Variants in OR13A1 observed in about 807,000 individuals in gnomAD.
The protein encoded by OR13A1 is olfactory receptor family 13 subfamily A member 1.
In OR13A1, 10 loss-of-function variants were observed where a neutral mutation model predicts 7.5. The ratio of observed to expected loss-of-function variants is 1.34; its 90% CI spans 0.83 to 2.27. The LOEUF (loss-of-function observed/expected upper bound fraction) is 2.27. OR13A1 is among the 30% of genes most tolerant of loss of function. OR13A1 has a pLI of 0.00. For synonymous variants in OR13A1, 238 were observed against 177.9 expected, an observed-to-expected ratio of 1.34 and a Z score of -2.69; for missense variants, 509 against 419.1, an observed-to-expected ratio of 1.21 and a Z score of -1.87.
intron 1 of OR13A1, among the ~76,000 whole-genome samples, chr10:45,313,293 AAGGAAAC>A (rs1838473795): frequency 6.7e-6 from 1 of 148,248 alleles, no homozygotes; most frequent in African/African-American, 2.5e-5. Flanking sequence ...ATACACACAA[AAGGAAAC>A]AGGAAGGGAA....
At chr10:45,302,527 T>G (rs954147099), downstream of OR13A1, 1 of 152,196 alleles carries the variant, frequency 6.6e-6, no homozygotes, top group Non-Finnish European at 1.5e-5. Flanking sequence ...AACTCTACTC[T>G]CAGCTTCACA....
chr10:45,305,485 G>A (rs747106816), intron 3 of OR13A1, among the ~76,000 whole-genome samples: 18 of 152,160 alleles, frequency 1.2e-4, no homozygotes, highest in South Asian at 8.3e-4. Flanking sequence ...ATTTTTGCTG[G>A]TCTGTATTTT....
At chr10:45,313,922 G>A (rs904892824) in intron 1 of OR13A1, among the ~76,000 whole-genome samples, 1 of 151,520 alleles carries the variant, frequency 6.6e-6, no homozygotes, top group Non-Finnish European at 1.5e-5. Context: ...TAACAAACAT[G>A]TGCAGAACAT....
chr10:45,304,283 C>T lies in OR13A1; in HGVS notation c.140G>A (p.Ser47Asn). 1 of 1,614,142 alleles carries T rather than the reference C, an allele frequency of 6.2e-7. No homozygotes were observed. Among genetic ancestry groups the T allele is most frequent in the East Asian group, 2.2e-5 (1 of 44,878 alleles). Residue 47 changes from serine to asparagine, a missense_variant, in exon 4 of 4, where the codon AGC becomes AAC. Ser to Asn is a conservative substitution (Grantham distance 46). Coordinates refer to ENST00000553795, the MANE Select transcript of OR13A1 (RefSeq NM_001004297.3). ...EHPEYRVFLF[S>N]CFLFLYSGAL... ...CCCAGAGTAGAGGAAGAGGAAACAG[C>T]TGAATAAGAACACCCGGTATTCTGG...
chr10:45,314,018 A>T (rs1328076285), intron 1 of OR13A1, among the ~76,000 whole-genome samples: 1 of 152,224 alleles, frequency 6.6e-6, no homozygotes, highest in Non-Finnish European at 1.5e-5. Context: ...CCACAAAAAA[A>T]CTTGTAACAA....
Position 45,307,530 on chromosome 10 carries a change from C to T in OR13A1, c.-117G>A, listed in dbSNP as rs1838357588. On this transcript the variant is annotated 5_prime_UTR_variant, in exon 3 of 4. Coordinates refer to ENST00000553795, the MANE Select transcript of OR13A1 (RefSeq NM_001004297.3). ...TCCAATCCTCTTTCCATGAGAATGA[C>T]CACAAGATTTCTTTACAGCCTCAGC... 6.6e-6 allele frequency: 1 copy of T among 152,126 alleles called. No individual in the cohort carries two copies. The highest frequency in any genetic ancestry group is 1.9e-4 in the East Asian group (1 of 5,196). 9.4% of individuals were successfully genotyped at this position (152,126 alleles called of 1,614,324 possible).
chr10:45,309,827 T>G (rs1287297436), intron 1 of OR13A1, among the ~76,000 whole-genome samples: 1 of 152,246 alleles, frequency 6.6e-6, no homozygotes, highest in East Asian at 1.9e-4. Context: ...TAAGCAGCAC[T>G]AAACTAAACA....
At chr10:45,314,313 G>C (rs559230949) in intron 1 of OR13A1, among the ~76,000 whole-genome samples, 66 of 152,092 alleles carry the variant, frequency 4.3e-4, no homozygotes, top group African/African-American at 1.5e-3. Context: ...AAGGAAGAAA[G>C]TGGCTAGGCA....
At position 45,303,491 on chromosome 10, in the gene OR13A1, C is replaced by T; in HGVS notation, c.932G>A (p.Arg311Lys). The T allele has an allele frequency of 6.2e-7, 1 of 1,612,052 alleles. No individual in the cohort carries two copies. The change falls in exon 4 of 4, where the codon AGA becomes AAA. Residue 311 changes from arginine to lysine, a missense_variant. Coordinates refer to ENST00000553795, the MANE Select transcript of OR13A1 (RefSeq NM_001004297.3). Reference sequence around the variant, plus strand: ...GAGGGCTGCTTTGACCTCCTTGTTTCTCAAAGTATAGATGAGGGGGTTGAG... The same window carrying T: ...GAGGGCTGCTTTGACCTCCTTGTTTTTCAAAGTATAGATGAGGGGGTTGAG... ...PTLNPLIYTL[R>K]NKEVKAALRK...
At chr10:45,315,378 C>G (rs1467760504) in intron 1 of OR13A1, 146 bp downstream of exon 1, 1 of 151,874 alleles carries the variant, frequency 6.6e-6, no homozygotes, top group East Asian at 1.9e-4. Context: ...GAATAAAGGA[C>G]AAAACAGCAT....
At chr10:45,305,747 G>A (rs1301997517) in intron 3 of OR13A1, among the ~76,000 whole-genome samples, 1 of 152,162 alleles carries the variant, frequency 6.6e-6, no homozygotes, top group East Asian at 1.9e-4. Context: ...CCCACTCCCT[G>A]AGCCAGGAAT....
At chr10:45,306,326 G>T (rs933541916) in intron 3 of OR13A1, among the ~76,000 whole-genome samples, 2 of 151,992 alleles carry the variant, frequency 1.3e-5, no homozygotes, top group African/African-American at 4.8e-5. Context: ...GGTGGCGGGC[G>T]CCTGTAGTCC....
chr10:45,303,530 A>ACAGTGTACAGCAGGC lies in OR13A1; in HGVS notation c.878_892dup (p.Gly293_Thr297dup), dbSNP rs775874973. 1.2e-6 allele frequency: 2 copies of ACAGTGTACAGCAGGC among 1,614,134 alleles called. No homozygotes were observed. The highest frequency in any genetic ancestry group is 1.7e-6 in the Non-Finnish European group (2 of 1,180,036). ...GAGGGGGTTGAGGGTAGGACTCAGC[A>ACAGTGTACAGCAGGC]CAGTGTACAGCAGGCCAGCCAACTT... is the stretch of plus-strand genomic sequence containing the variant. On this transcript the variant is annotated inframe_insertion, in exon 4 of 4. Transcript: ENST00000553795.
chr10:45,308,242 T>C (rs1454055177), intron 1 of OR13A1, among the ~76,000 whole-genome samples: 1 of 152,264 alleles, frequency 6.6e-6, no homozygotes, highest in Non-Finnish European at 1.5e-5. Flanking sequence ...AAGATAACTT[T>C]GTCCAACCTA....
chr10:45,311,456 C>T (rs1838444856), intron 1 of OR13A1, among the ~76,000 whole-genome samples: 1 of 152,134 alleles, frequency 6.6e-6, no homozygotes, highest in Non-Finnish European at 1.5e-5. Context: ...TTAGAGCAAA[C>T]TGGTAAACAT....
intron 1 of OR13A1, among the ~76,000 whole-genome samples, chr10:45,314,024 A>C (rs571092362): frequency 6.6e-6 from 1 of 152,342 alleles, no homozygotes; most frequent in South Asian, 2.1e-4. Context: ...AAAAACTTGT[A>C]ACAAATTTTA....
intron 1 of OR13A1, chr10:45,308,686 C>T (rs1322356593): frequency 6.6e-6 from 1 of 152,114 alleles, no homozygotes; most frequent in Non-Finnish European, 1.5e-5. Context: ...ACTCAATCAC[C>T]ATCCTCAGAA....
At chr10:45,313,343 A>T (rs1838474664) in intron 1 of OR13A1, among the ~76,000 whole-genome samples, 1 of 151,968 alleles carries the variant, frequency 6.6e-6, no homozygotes, top group Admixed American at 6.5e-5. Context: ...AATCGACAAA[A>T]CCCAAAAGAG....
chr10:45,304,257 C>A lies in OR13A1; in HGVS notation c.166G>T (p.Ala56Ser). Reference sequence around the variant, plus strand: ...GTGATGAGGACATTACCTGTGAGGGCCCCAGAGTAGAGGAAGAGGAAACAG... The same window carrying A: ...GTGATGAGGACATTACCTGTGAGGGACCCAGAGTAGAGGAAGAGGAAACAG... ...FSCFLFLYSG[A>S]LTGNVLITLA... Residue 56 changes from alanine to serine, a missense_variant, in exon 4 of 4, where the codon GCC (alanine) becomes TCC (serine). By Grantham distance (99) the Ala-to-Ser change is moderately conservative (BLOSUM62 1). Coordinates refer to ENST00000553795, the MANE Select transcript of OR13A1 (RefSeq NM_001004297.3). 1 of 1,614,130 alleles carries A rather than the reference C, an allele frequency of 6.2e-7. No individual in the cohort carries two copies. The highest frequency in any genetic ancestry group is 8.5e-7 in the Non-Finnish European group (1 of 1,180,020).
Sources: gnomAD v4.1 joint callset for allele counts (sites outside exome capture counted in the v4.1 genomes callset) on GRCh38, gnomAD v4.1.1 for gene constraint, MANE v1.5 for transcripts, NCBI Gene and HGNC (gene_info 2026-07-23, HGNC 2026-07-21) for gene names.